The following FMN2 variants were observed in gnomAD, a reference collection of about 807,000 sequenced individuals.
The protein encoded by FMN2 is formin-2.
FMN2 carries 51 observed loss-of-function variants against 142.3 expected under a neutral mutation model. The ratio of observed to expected loss-of-function variants is 0.36; its 90% CI spans 0.29 to 0.45. The LOEUF is 0.45. FMN2 is among the 20% of genes least tolerant of loss of function. FMN2 has a pLI of 1.00. For synonymous variants in FMN2, 882 were observed against 869.8 expected (o/e 1.01, Z -0.25); for missense variants, 1,936 against 2,122.8 (o/e 0.91, Z 1.73).
chr1:240,214,333 C>G (rs982066744), intron 6 of FMN2, among the ~76,000 whole-genome samples: 1 of 151,774 alleles, frequency 6.6e-6, no homozygotes, highest in Non-Finnish European at 1.5e-5. Context: ...GGGCGGATCA[C>G]GAGGTCAGGA....
chr1:240,389,493 T>C (rs1218265047), intron 14 of FMN2, among the ~76,000 whole-genome samples: 1 of 152,196 alleles, frequency 6.6e-6, no homozygotes, highest in Non-Finnish European at 1.5e-5. Context: ...TGCATGTAAT[T>C]AGCTTGCTTG....
At chr1:240,284,793 C>G (rs1042494440) in intron 7 of FMN2, among the ~76,000 whole-genome samples, 1 of 152,078 alleles carries the variant, frequency 6.6e-6, no homozygotes, top group Non-Finnish European at 1.5e-5. Context: ...TGAGTAAGTT[C>G]TGTGAACAGA....
chr1:240,311,639 A>G (rs892718596), intron 8 of FMN2, among the ~76,000 whole-genome samples: 1 of 152,198 alleles, frequency 6.6e-6, no homozygotes, highest in African/African-American at 2.4e-5. Context: ...TTGTTAATCT[A>G]AGGTGTGACA....
Position 240,093,447 on chromosome 1 carries a change from G to A in FMN2, c.1338G>A (p.Arg446=). 6.2e-7 allele frequency: 1 copy of A among 1,613,570 alleles called. No individual in the cohort carries two copies. The highest frequency in any genetic ancestry group is 1.1e-5 in the South Asian group (1 of 91,058). The change falls in exon 1 of 18, where the codon CGG becomes CGA. Residue 446 remains arginine (R), a synonymous_variant. Coordinates refer to ENST00000319653, the MANE Select transcript of FMN2 (RefSeq NM_020066.5). ...SPNQSPRIKR[R]PEPSLSRGSR... Reference sequence around the variant, plus strand: ...ATCAGAGCCCCAGGATCAAGAGGCGGCCGGAACCCTCCCTGAGCCGAGGGT... The same window carrying A: ...ATCAGAGCCCCAGGATCAAGAGGCGACCGGAACCCTCCCTGAGCCGAGGGT...
At chr1:240,470,078 T>C (rs886515474) in intron 16 of FMN2, among the ~76,000 whole-genome samples, 1 of 152,080 alleles carries the variant, frequency 6.6e-6, no homozygotes, top group African/African-American at 2.4e-5. Context: ...ATAAATAGGA[T>C]TGGGAGAAAA....
At chr1:240,262,617 G>T (rs74906405) in intron 7 of FMN2, among the ~76,000 whole-genome samples, 1 of 152,154 alleles carries the variant, frequency 6.6e-6, no homozygotes, top group East Asian at 1.9e-4. Context: ...AGCTGCAAAA[G>T]AATTTGCAAT....
intron 16 of FMN2, among the ~76,000 whole-genome samples, chr1:240,465,265 C>T (rs2103236372): frequency 6.6e-6 from 1 of 151,876 alleles, no homozygotes; most frequent in Middle Eastern, 3.4e-3. Flanking sequence ...CTTTTCTAAC[C>T]AGCCTTTGTC....
Position 240,093,823 on chromosome 1 carries a change from C to G in FMN2, c.1615+99C>G, listed in dbSNP as rs1027131230. ...TCCCTGGGCTCTGGAAGGCGGTGAC[C>G]TGGTAGTGGCACATCTCTTCTCCGT... On this transcript the variant is annotated intron_variant, in intron 1 of 17. Transcript: ENST00000319653. The G allele has an allele frequency of 7.6e-5, 60 of 790,938 alleles. No individual in the cohort carries two copies. The Middle Eastern group carries it at 1.1e-3, about 14-fold the overall frequency. The allele number at this position is 790,938 out of a possible 1,614,324, so 49.0% of individuals were successfully genotyped here.
Position 240,143,060 on chromosome 1 carries a change from G to A in FMN2, c.1782+19715G>A, listed in dbSNP as rs186641997. ...GCTGCCAGTCACTGTGGTAGGGGCA[G>A]AGGGTAAGTGTACCCTTCCCTAAAT... On this transcript the variant is annotated intron_variant, in intron 2 of 17. Transcript: ENST00000319653. The A allele has an allele frequency of 3.7e-5, 55 of 1,497,078 alleles. No individual in the cohort carries two copies. The African/African-American group carries it at 5.5e-4, about 15-fold the overall frequency. The allele number at this position is 1,497,078 out of a possible 1,614,324, so 92.7% of individuals were successfully genotyped here.
At chr1:240,338,847 C>T (rs1462376382) in intron 13 of FMN2, among the ~76,000 whole-genome samples, 1 of 152,136 alleles carries the variant, frequency 6.6e-6, no homozygotes, top group Non-Finnish European at 1.5e-5. Context: ...TTAAACAACT[C>T]ATCATAATGA....
At chr1:240,397,124 G>A (rs116155949) in intron 15 of FMN2, among the ~76,000 whole-genome samples, 2,511 of 152,180 alleles carry the variant, frequency 0.017, 56 homozygotes, top group African/African-American at 0.057. Context: ...CATCTGTTAC[G>A]TTTTGACTTT....
Position 240,226,887 on chromosome 1 carries a change from A to G in FMN2, c.4065+15652A>G, listed in dbSNP as rs537889801. ...AAGGGAACTTCCTCAGCCTGATAGCATCTGTGAAAAACCCAGGGCTCACAT... is the reference window on the plus strand; with the variant it reads ...AAGGGAACTTCCTCAGCCTGATAGCGTCTGTGAAAAACCCAGGGCTCACAT... On this transcript the variant is annotated intron_variant, in intron 6 of 17. Transcript: ENST00000319653. 1.2e-4 allele frequency among the ~76,000 whole-genome samples: 19 copies of G among 152,206 alleles called. No individual in the cohort carries two copies. In the East Asian group the frequency reaches 1.7e-3, roughly 14 times the overall value.
chr1:240,194,268 G>T (rs1314811186), intron 4 of FMN2, among the ~76,000 whole-genome samples: 1 of 152,164 alleles, frequency 6.6e-6, no homozygotes, highest in East Asian at 1.9e-4. Context: ...TACCATAGTG[G>T]TTGAGGATCT....
chr1:240,235,942 T>C (rs1667695682), intron 6 of FMN2: 1 of 152,212 alleles, frequency 6.6e-6, no homozygotes, highest in Admixed American at 6.5e-5. Flanking sequence ...GTTTCTTTTT[T>C]AAGTTTCTAG....
intron 7 of FMN2, among the ~76,000 whole-genome samples, chr1:240,272,146 T>C (rs941855313): frequency 2.0e-5 from 3 of 152,150 alleles, no homozygotes; most frequent in Non-Finnish European, 4.4e-5. Flanking sequence ...GGAGGGTGAC[T>C]CTGTGAGCCT....
intron 15 of FMN2, among the ~76,000 whole-genome samples, chr1:240,395,888 A>G (rs1673753841): frequency 6.6e-6 from 1 of 152,322 alleles, no homozygotes; most frequent in African/African-American, 2.4e-5. Flanking sequence ...ATTTACTCCA[A>G]TTTTGAAAGA....
intron 16 of FMN2, among the ~76,000 whole-genome samples, chr1:240,442,643 A>G (rs1675663057): frequency 6.6e-6 from 1 of 152,232 alleles, no homozygotes; most frequent in African/African-American, 2.4e-5. Context: ...ATTGAAAAAT[A>G]TCGTTAAGGT....
chr1:240,266,557 G>A (rs752029056), intron 7 of FMN2, among the ~76,000 whole-genome samples: 1 of 151,812 alleles, frequency 6.6e-6, no homozygotes, highest in African/African-American at 2.4e-5. Context: ...TTGTTTTTTG[G>A]CTGTGTAATG....
intron 2 of FMN2, chr1:240,143,282 G>T: frequency 1.3e-6 from 2 of 1,544,198 alleles, no homozygotes; most frequent in Non-Finnish European, 1.8e-6. Context: ...CCAGGATGTT[G>T]ATTTGAAACA....
Sources: gnomAD v4.1 joint callset for allele counts (sites outside exome capture counted in the v4.1 genomes callset) on GRCh38, gnomAD v4.1.1 for gene constraint, MANE v1.5 for transcripts, NCBI Gene and HGNC (gene_info 2026-07-23, HGNC 2026-07-21) for gene names.